Variants in RBM27 observed in about 807,000 individuals in gnomAD.
RBM27 encodes the protein RNA binding motif protein 27.
RBM27 carries 22 observed loss-of-function variants against 135.3 expected under a neutral mutation model. The observed-to-expected ratio is 0.16, with a 90% confidence interval of 0.12 to 0.23. The LOEUF is 0.23. RBM27 is among the 10% of genes least tolerant of loss of function. The pLI is 1.00. For synonymous variants in RBM27, 481 were observed against 442.4 expected (o/e 1.09, Z -1.10); for missense variants, 1,009 against 1,281.0 (o/e 0.79, Z 3.24).
chr5:146,251,825 C>A lies in RBM27; in HGVS notation c.1394C>A (p.Ser465Tyr). 1 of 1,614,140 alleles carries A rather than the reference C, an allele frequency of 6.2e-7. No individual in the cohort carries two copies. The highest frequency in any genetic ancestry group is 1.6e-4 in the Middle Eastern group (1 of 6,062). The change falls in exon 9 of 21, where the codon TCC becomes TAC. Residue 465 changes from serine (S) to tyrosine (Y), a missense_variant. Ser to Tyr is a moderately radical substitution (Grantham distance 144). Around this residue, in one of 6 missense-constraint regions of RBM27, gnomAD observed 329 missense variants for 368.1 expected, o/e 0.89. Coordinates refer to ENST00000265271, the MANE Select transcript of RBM27 (RefSeq NM_018989.2). Reference protein sequence around the residue: ...RLVPPRNLMGSSIGYHTSVSS... With the variant: ...RLVPPRNLMGYSIGYHTSVSS... ...GTGCCACCTCGAAACCTCATGGGAT[C>A]CTCCATTGGATACCATACCTCAGTC...
chr5:146,223,396 T>C lies in RBM27; in HGVS notation c.179-7T>C. 1 of 1,573,846 alleles carries C rather than the reference T, an allele frequency of 6.4e-7. No homozygotes were observed. ...CGCAATATGTAAATGTTATTTCTTC[T>C]CCTTAGAAACTTCAGGTTTTGTGGA... On this transcript the variant is annotated splice_region_variant and splice_polypyrimidine_tract_variant and intron_variant, in intron 2 of 20. Transcript: ENST00000265271.
At chr5:146,243,139 G>T (rs558344668) in intron 8 of RBM27, among the ~76,000 whole-genome samples, 1 of 151,818 alleles carries the variant, frequency 6.6e-6, no homozygotes, top group Non-Finnish European at 1.5e-5. Context: ...GGTGGTGGGC[G>T]CCTGTAATCC....
chr5:146,254,894 T>TA lies in RBM27; in HGVS notation c.1445-47dup, dbSNP rs776346014. The TA allele has an allele frequency of 7.7e-6, 11 of 1,422,866 alleles. No homozygotes were observed. In the South Asian group the frequency reaches 1.5e-4, roughly 19 times the overall value. 88.1% of individuals were successfully genotyped at this position (1,422,866 alleles called of 1,614,324 possible). ...TATTTTATAACAATGAGAGATGGTT[T>TA]AACCTCTCTCTGATTTGTTGTGTGT... On this transcript the variant is annotated intron_variant, in intron 9 of 20. Coordinates refer to ENST00000265271, the MANE Select transcript of RBM27 (RefSeq NM_018989.2).
chr5:146,213,878 A>T (rs529747264), intron 1 of RBM27, among the ~76,000 whole-genome samples: 2 of 152,346 alleles, frequency 1.3e-5, no homozygotes, highest in East Asian at 1.9e-4. Flanking sequence ...TTTTTAAATA[A>T]CTTAAAACAT....
chr5:146,203,880 G>A (rs572769103), intron 1 of RBM27, 56 bp downstream of exon 1: 2 of 1,471,834 alleles, frequency 1.4e-6, no homozygotes, highest in Admixed American at 2.0e-5. Flanking sequence ...GGGCTCGCGG[G>A]GGCGTGGGGG....
At chr5:146,267,841 T>G in intron 15 of RBM27, 73 bp downstream of exon 15, 1 of 1,443,388 alleles carries the variant, frequency 6.9e-7, no homozygotes, top group East Asian at 2.3e-5. Context: ...CATTATCACT[T>G]TTAAATCAGT....
intron 2 of RBM27, among the ~76,000 whole-genome samples, chr5:146,219,838 C>G (rs1450295639): frequency 2.0e-5 from 3 of 152,100 alleles, no homozygotes; most frequent in Non-Finnish European, 2.9e-5. Context: ...CATCCACTCT[C>G]CTCCTTCCAA....
chr5:146,261,849 C>T (rs748532208), intron 13 of RBM27, 43 bp downstream of exon 13: 1 of 1,597,818 alleles, frequency 6.3e-7, no homozygotes, highest in Admixed American at 1.7e-5. Context: ...TAGTTACACC[C>T]TCTAGATCAG....
intron 7 of RBM27, among the ~76,000 whole-genome samples, chr5:146,234,739 A>G (rs1221356258): frequency 1.3e-5 from 2 of 152,158 alleles, no homozygotes; most frequent in African/African-American, 4.8e-5. Context: ...TAACATTAAA[A>G]GATGGCAAAT....
At chr5:146,230,575 C>A in intron 5 of RBM27, 82 bp from the exon 6 acceptor site, 1 of 1,412,562 alleles carries the variant, frequency 7.1e-7, no homozygotes, top group Non-Finnish European at 9.7e-7. Flanking sequence ...CTCATGTTTT[C>A]TATGTGAGAA....
intron 19 of RBM27, among the ~76,000 whole-genome samples, chr5:146,272,433 G>C (rs1758908798): frequency 6.6e-6 from 1 of 152,088 alleles, no homozygotes; most frequent in Non-Finnish European, 1.5e-5. Flanking sequence ...AAGTTTTAAA[G>C]ATGGCCAGGG....
intron 7 of RBM27, among the ~76,000 whole-genome samples, chr5:146,234,317 A>ATG (rs1190818776): frequency 1.3e-5 from 2 of 152,180 alleles, no homozygotes; most frequent in African/African-American, 4.8e-5. Context: ...GTAGAATAGT[A>ATG]TGTGTGTTGC....
chr5:146,245,956 G>A lies in RBM27; in HGVS notation c.1280-5755G>A, dbSNP rs1757606769. The stretch of plus-strand genomic sequence containing the variant: ...TAGAGGCTTTCTCCCCCTTGTATTT[G>A]ACCTGATTCATGTTGTATTAGTTGT... On this transcript the variant is annotated intron_variant, in intron 8 of 20. Transcript: ENST00000265271. Among the ~76,000 whole-genome samples the A allele has an allele frequency of 2.6e-5, 4 of 152,088 alleles. No homozygotes were observed. The East Asian group carries it at 7.7e-4, about 29-fold the overall frequency.
chr5:146,228,281 TC>T (rs1227359599), intron 3 of RBM27, among the ~76,000 whole-genome samples: 8,107 of 138,450 alleles, frequency 0.059, 852 homozygotes, highest in African/African-American at 0.23. Context: ...GACCATTCTT[TC>T]TTTTTTTTTT....
intron 1 of RBM27, among the ~76,000 whole-genome samples, chr5:146,210,383 A>G (rs904696584): frequency 2.6e-5 from 4 of 152,130 alleles, no homozygotes; most frequent in African/African-American, 4.8e-5. Flanking sequence ...TTTCCTCCCA[A>G]ATAAATCTAG....
At chr5:146,221,900 A>T (rs998756812) in intron 2 of RBM27, among the ~76,000 whole-genome samples, 18 of 152,320 alleles carry the variant, frequency 1.2e-4, no homozygotes, top group African/African-American at 4.3e-4. Flanking sequence ...TAACATTTTA[A>T]AAATTTAATA....
intron 8 of RBM27, among the ~76,000 whole-genome samples, chr5:146,241,164 T>A (rs10042139): frequency 6.6e-6 from 1 of 151,984 alleles, no homozygotes; most frequent in Admixed American, 6.6e-5. Context: ...GTTTTTAATT[T>A]AAAAAAAATC....
At position 146,269,479 on chromosome 5, in the gene RBM27, A is replaced by G. The variant is rs1388096118; in HGVS notation, c.2586A>G (p.Ile862Met). 2.2e-5 allele frequency: 34 copies of G among 1,579,204 alleles called. No homozygotes were observed. The highest frequency in any genetic ancestry group is 2.9e-5 in the Non-Finnish European group (34 of 1,165,590). ...KNMKPEERANIMKTLKELGEK... is the reference protein window; with the variant it reads ...KNMKPEERANMMKTLKELGEK... ...TGAAACCAGAAGAAAGAGCAAATATAATGAAGACTTTGAAAGAGCTTGGAG... is the reference window on the plus strand; with the variant it reads ...TGAAACCAGAAGAAAGAGCAAATATGATGAAGACTTTGAAAGAGCTTGGAG... The change falls in exon 17 of 21, where the codon ATA becomes ATG. Residue 862 changes from isoleucine to methionine, a missense_variant. By Grantham distance (10) the Ile-to-Met change is conservative (BLOSUM62 1). Coordinates refer to ENST00000265271, the MANE Select transcript of RBM27 (RefSeq NM_018989.2).
chr5:146,254,123 CA>C (rs1758009687), intron 9 of RBM27, among the ~76,000 whole-genome samples: 1 of 152,114 alleles, frequency 6.6e-6, no homozygotes, highest in South Asian at 2.1e-4. Flanking sequence ...CTCAATTCTT[CA>C]CATATGGTGT....
Sources: gnomAD v4.1 joint callset for allele counts (sites outside exome capture counted in the v4.1 genomes callset) on GRCh38, gnomAD v4.1.1 for gene constraint, gnomAD v4.1.1 regional missense constraint, MANE v1.5 for transcripts, NCBI Gene and HGNC (gene_info 2026-07-23, HGNC 2026-07-21) for gene names.